Variants in ATRN observed in about 807,000 individuals in gnomAD.
ATRN encodes the protein attractin.
Under a neutral mutation model 178.7 loss-of-function variants are expected in ATRN, and 54 were observed. That is an observed-to-expected ratio of 0.30 (90% CI 0.24 to 0.38). The LOEUF (loss-of-function observed/expected upper bound fraction) is 0.38, where lower values mean the gene tolerates loss of function less well. Among genes scored for constraint, ATRN ranks in the 10% least tolerant of loss-of-function variants. The pLI, the probability that ATRN is intolerant of heterozygous loss-of-function variation, is 1.00. For synonymous variants in ATRN, 636 were observed against 663.0 expected (o/e 0.96, Z 0.63); for missense variants, 1,443 against 1,815.1 (o/e 0.79, Z 3.73).
In ATRN at chr20:3,588,976, C is replaced by CTTTTTT. The variant is rs1375444238; in HGVS notation, c.3185-2189_3185-2188insTTTTTT. Reference sequence around the variant, plus strand: ...GTTAACATACAGTTCGTAGTATTTTCTTTTGTTTTTTTTTTTTTTTTTTTG... The same window carrying CTTTTTT: ...GTTAACATACAGTTCGTAGTATTTTCTTTTTTTTTTGTTTTTTTTTTTTTTTTTTTG... On this transcript the variant is annotated intron_variant, in intron 18 of 28. Coordinates refer to ENST00000262919, the MANE Select transcript of ATRN (RefSeq NM_139321.3). 1.7e-3 allele frequency among the ~76,000 whole-genome samples: 99 copies of CTTTTTT among 57,590 alleles called. 3 individuals carry two copies. Among genetic ancestry groups the CTTTTTT allele is most frequent in the African/African-American group, 5.1e-3 (91 of 17,820 alleles). The allele number at this position is 57,590 out of a possible 152,430, so 37.8% of individuals were successfully genotyped here.
At position 3,549,238 on chromosome 20, in the gene ATRN, A is replaced by G. The variant is rs1440070358; in HGVS notation, c.1012A>G (p.Lys338Glu). Residue 338 changes from lysine (K) to glutamate (E), a missense_variant, in exon 6 of 29, where the codon AAG (lysine) becomes GAG (glutamate). Coordinates refer to ENST00000262919, the MANE Select transcript of ATRN (RefSeq NM_139321.3). ...FWTREEYSNL[K>E]LPRASHKAVV... ...GACTCGAGAGGAATATTCTAACTTA[A>G]AGCTCCCCAGAGCATCTCATAAAGC... 6.8e-6 allele frequency: 11 copies of G among 1,610,918 alleles called. No homozygotes were observed. Among genetic ancestry groups the G allele is most frequent in the Non-Finnish European group, 9.3e-6 (11 of 1,178,910 alleles).
At chr20:3,612,755 C>T (rs1216549333) in intron 24 of ATRN, among the ~76,000 whole-genome samples, 2 of 152,118 alleles carry the variant, frequency 1.3e-5, no homozygotes, top group South Asian at 2.1e-4. Context: ...TGTTTTTGTA[C>T]TGACATACCT....
At position 3,591,296 on chromosome 20, in the gene ATRN, G is replaced by A. The variant is rs41279376; in HGVS notation, c.3312G>A (p.Gly1104=). The A allele has an allele frequency of 4.5e-4, 724 of 1,613,626 alleles. 2 individuals are homozygous for A. Among genetic ancestry groups the A allele is most frequent in the Non-Finnish European group, 6.1e-4 (716 of 1,179,686 alleles). ...TCTACGGTGATCCCACCAATGGAGG[G>A]AAATGTCAGCGTAAGTCAAATTGGT... ...SGFYGDPTNG[G]KCQPCKCNGH... The change falls in exon 19 of 29, where the codon GGG becomes GGA. Residue 1104 remains glycine (G), a synonymous_variant. Coordinates refer to ENST00000262919, the MANE Select transcript of ATRN (RefSeq NM_139321.3).
intron 1 of ATRN, among the ~76,000 whole-genome samples, chr20:3,474,019 T>C (rs146005671): frequency 2.2e-3 from 332 of 152,170 alleles, no homozygotes; most frequent in African/African-American, 7.2e-3. Flanking sequence ...GAGCAGGTGT[T>C]AGACATTTAA....
chr20:3,497,478 T>G (rs2084897153), intron 1 of ATRN, among the ~76,000 whole-genome samples: 1 of 152,154 alleles, frequency 6.6e-6, no homozygotes, highest in Non-Finnish European at 1.5e-5. Context: ...TTAAGATTGT[T>G]GAATATTGGC....
Position 3,634,725 on chromosome 20 carries a change from A to G in ATRN, c.3942+336A>G, listed in dbSNP as rs1415564150. Among the ~76,000 whole-genome samples the G allele has an allele frequency of 3.3e-5, 5 of 152,362 alleles. No homozygotes were observed. In the East Asian group the frequency reaches 9.6e-4, roughly 29 times the overall value. On this transcript the variant is annotated intron_variant, in intron 26 of 28. Transcript: ENST00000262919. ...GATCCAAGGGCGTATTAGCACAGCC[A>G]CCGCGTGATTAGGCACCGCCTTCAT...
At chr20:3,633,245 A>G (rs931419988) in intron 25 of ATRN, among the ~76,000 whole-genome samples, 5 of 152,228 alleles carry the variant, frequency 3.3e-5, no homozygotes, top group East Asian at 1.9e-4. Context: ...TTGGAAGGCA[A>G]TCCTATTGAA....
chr20:3,501,166 A>G (rs924196577), intron 1 of ATRN, among the ~76,000 whole-genome samples: 3 of 152,158 alleles, frequency 2.0e-5, no homozygotes, highest in African/African-American at 7.2e-5. Context: ...GGATAATTAT[A>G]TTGGATTGGT....
At chr20:3,481,861 A>C (rs1376265085) in intron 1 of ATRN, among the ~76,000 whole-genome samples, 1 of 146,552 alleles carries the variant, frequency 6.8e-6, no homozygotes, top group Non-Finnish European at 1.5e-5. Flanking sequence ...TGAATTTTCC[A>C]ATTAATTTCT....
intron 1 of ATRN, among the ~76,000 whole-genome samples, chr20:3,524,151 T>C (rs2085332220): frequency 6.6e-6 from 1 of 151,884 alleles, no homozygotes; most frequent in African/African-American, 2.4e-5. Context: ...GTGTGCTGTA[T>C]TTAGGAGACC....
chr20:3,572,332 A>C (rs1157913781), intron 11 of ATRN, among the ~76,000 whole-genome samples: 1 of 152,230 alleles, frequency 6.6e-6, no homozygotes, highest in African/African-American at 2.4e-5. Context: ...GCAGGCTATC[A>C]TGAGAACTTT....
Position 3,583,990 on chromosome 20 carries a change from A to T in ATRN, c.2857A>T (p.Ser953Cys), listed in dbSNP as rs1009690631. The stretch of plus-strand genomic sequence containing the variant: ...CGGCAGCTCTGAGTGCATGTGGTGC[A>T]GCAACATGAAGCAGTGTGTGGACTC... Reference protein sequence around the residue: ...TSGSSECMWCSNMKQCVDSNA... With the variant: ...TSGSSECMWCCNMKQCVDSNA... Residue 953 changes from serine (S) to cysteine (C), a missense_variant, in exon 17 of 29, where the codon AGC becomes TGC. Ser to Cys is a moderately radical substitution (Grantham distance 112). Coordinates refer to ENST00000262919, the MANE Select transcript of ATRN (RefSeq NM_139321.3). 1.2e-6 allele frequency: 2 copies of T among 1,614,186 alleles called. No individual in the cohort carries two copies. The highest frequency in any genetic ancestry group is 1.7e-6 in the Non-Finnish European group (2 of 1,180,008).
At chr20:3,532,184 T>C (rs1286309242) in intron 1 of ATRN, among the ~76,000 whole-genome samples, 1 of 152,174 alleles carries the variant, frequency 6.6e-6, no homozygotes, top group African/African-American at 2.4e-5. Flanking sequence ...GATGCTGATT[T>C]GCAAACCTAA....
rs1331991969 is a variant in ATRN, at chr20:3,651,092, C to A, written c.*4245C>A. The A allele has an allele frequency of 6.6e-6, 1 of 152,560 alleles. No individual in the cohort carries two copies. The highest frequency in any genetic ancestry group is 1.9e-4 in the East Asian group (1 of 5,190). The allele number at this position is 152,560 out of a possible 1,614,324, so 9.5% of individuals were successfully genotyped here. On this transcript the variant is annotated 3_prime_UTR_variant, in exon 29 of 29. Transcript: ENST00000262919. ...TAAATACTATAATACAAACTTCCTT[C>A]TGAAATAAAAGTAGATCTGGTAAAA...
At chr20:3,541,400 T>C (rs2085620520) in intron 3 of ATRN, among the ~76,000 whole-genome samples, 5 of 150,156 alleles carry the variant, frequency 3.3e-5, no homozygotes, top group Admixed American at 2.7e-4. Flanking sequence ...GATACAGTCA[T>C]GTGTCACTTA....
intron 26 of ATRN, among the ~76,000 whole-genome samples, chr20:3,634,724 C>T (rs1336455528): frequency 6.6e-6 from 1 of 152,208 alleles, no homozygotes; most frequent in African/African-American, 2.4e-5. Flanking sequence ...TTAGCACAGC[C>T]ACCGCGTGAT....
At position 3,538,620 on chromosome 20, in the gene ATRN, TC is replaced by T. The variant is rs370751630; in HGVS notation, c.495-1597del. Among the ~76,000 whole-genome samples the T allele has an allele frequency of 6.0e-3, 912 of 152,164 alleles. 10 individuals carry two copies. Among genetic ancestry groups the T allele is most frequent in the African/African-American group, 0.02 (847 of 41,490 alleles). ...GAAAAACTAAGCAACAAACTCTCAT[TC>T]CCCCTTTTCCTTATTCCCTACATTT... On this transcript the variant is annotated intron_variant, in intron 2 of 28. Transcript: ENST00000262919.
At position 3,645,240 on chromosome 20, in the gene ATRN, T is replaced by A. The variant is rs2087098569; in HGVS notation, c.4165+972T>A. ...TACTGGTCCAGGCCCTGAGCTCCAC[T>A]GTCCCTTCAGTGCACCCTCAGACCC... On this transcript the variant is annotated intron_variant, in intron 28 of 28. Coordinates refer to ENST00000262919, the MANE Select transcript of ATRN (RefSeq NM_139321.3). The surrounding 1 kb of genome is among the most constrained non-coding windows in gnomAD (Gnocchi z 4.7). Among the ~76,000 whole-genome samples, 1 of 152,216 alleles carries A rather than the reference T, an allele frequency of 6.6e-6. No individual in the cohort carries two copies. Among genetic ancestry groups the A allele is most frequent in the Non-Finnish European group, 1.5e-5 (1 of 68,032 alleles).
In ATRN at chr20:3,572,841, G is replaced by A; in HGVS notation, c.1982G>A (p.Gly661Glu). Residue 661 changes from glycine (G) to glutamate (E), a missense_variant, in exon 12 of 29, where the codon GGA becomes GAA. Coordinates refer to ENST00000262919, the MANE Select transcript of ATRN (RefSeq NM_139321.3). The part of the protein sequence containing the change: ...HRSEAACLAA[G>E]PGIRCVWNTG... ...AGTGAAGCCGCTTGTTTAGCAGCAG[G>A]ACCTGGTATTCGGTGTGTGTGGAAC... The A allele has an allele frequency of 6.2e-7, 1 of 1,613,670 alleles. No individual in the cohort carries two copies. Among genetic ancestry groups the A allele is most frequent in the Non-Finnish European group, 8.5e-7 (1 of 1,179,926 alleles).
Sources: gnomAD v4.1 joint callset for allele counts (sites outside exome capture counted in the v4.1 genomes callset) on GRCh38, gnomAD v4.1.1 for gene constraint, Gnocchi (gnomAD v3.1) non-coding constraint, MANE v1.5 for transcripts, NCBI Gene and HGNC (gene_info 2026-07-23, HGNC 2026-07-21) for gene names.